The following MYOF variants were observed in gnomAD, a reference collection of about 807,000 sequenced individuals.
MYOF encodes the protein myoferlin.
A neutral mutation model predicts 284.2 loss-of-function variants in MYOF; 244 were observed. That is an observed-to-expected ratio of 0.86 (90% CI 0.77 to 0.95). The LOEUF is 0.95. MYOF is among the 40% of genes least tolerant of loss of function. MYOF has a pLI of 0.00. For missense variants in MYOF, 2,496 were observed against 2,560.6 expected, an observed-to-expected ratio of 0.97 and a Z score of 0.54; for synonymous variants, 904 against 919.7, an observed-to-expected ratio of 0.98 and a Z score of 0.31.
intron 1 of MYOF, among the ~76,000 whole-genome samples, chr10:93,463,040 A>G (rs1467091480): frequency 6.6e-6 from 1 of 152,208 alleles, no homozygotes; most frequent in African/African-American, 2.4e-5. Flanking sequence ...AGTGTGCTCA[A>G]GGGCTCAAGT....
At chr10:93,337,985 T>C in intron 39 of MYOF, 72 bp from the exon 40 acceptor site, 2 of 1,111,660 alleles carry the variant, frequency 1.8e-6, no homozygotes, top group Admixed American at 1.8e-5. Context: ...AAAATGCATT[T>C]GTAATAGTTA....
At chr10:93,440,227 T>C (rs2056201862) in intron 3 of MYOF, among the ~76,000 whole-genome samples, 1 of 152,020 alleles carries the variant, frequency 6.6e-6, no homozygotes, top group African/African-American at 2.4e-5. Context: ...TCCTGGCCAA[T>C]ATGGTGAAAC....
At position 93,351,647 on chromosome 10, in the gene MYOF, A is replaced by C. The variant is rs1381349008; in HGVS notation, c.3663+18T>G. Reference sequence around the variant, plus strand: ...CTCCATCATCCCCAAGTTATCTTAGAAATTCTAAACGACCTACCACTTGGT... The same window carrying C: ...CTCCATCATCCCCAAGTTATCTTAGCAATTCTAAACGACCTACCACTTGGT... On this transcript the variant is annotated intron_variant, in intron 33 of 53. Coordinates refer to ENST00000359263, the MANE Select transcript of MYOF (RefSeq NM_013451.4). The C allele has an allele frequency of 1.3e-6, 2 of 1,592,224 alleles. No individual in the cohort carries two copies. Among genetic ancestry groups the C allele is most frequent in the South Asian group, 2.3e-5 (2 of 87,342 alleles).
rs117526827 is a variant in MYOF at position 93,415,466 on chromosome 10, A to T, written c.434-5727T>A. 2.8e-3 allele frequency among the ~76,000 whole-genome samples: 434 copies of T among 152,326 alleles called. 21 individuals are homozygous for T. In the East Asian group the frequency reaches 0.075, roughly 26 times the overall value. On this transcript the variant is annotated intron_variant, in intron 5 of 53. Coordinates refer to ENST00000359263, the MANE Select transcript of MYOF (RefSeq NM_013451.4). The stretch of plus-strand genomic sequence containing the variant: ...GAATCCTGGTCTGAGATGGCCACTA[A>T]TTAACCAGCACAGTCAAATCACTTT...
At chr10:93,479,723 G>A (rs2057347884) in intron 1 of MYOF, among the ~76,000 whole-genome samples, 1 of 152,194 alleles carries the variant, frequency 6.6e-6, no homozygotes, top group Non-Finnish European at 1.5e-5. Context: ...CAGCTGGAAT[G>A]CAGATGTTCC....
chr10:93,383,486 TC>T (rs143389466), intron 19 of MYOF, among the ~76,000 whole-genome samples: 8,525 of 152,218 alleles, frequency 0.056, 329 homozygotes, highest in Middle Eastern at 0.12. Flanking sequence ...CCTAGCTTAG[TC>T]CACTGTCACC....
chr10:93,433,280 C>T (rs1366702947), intron 3 of MYOF, among the ~76,000 whole-genome samples: 1 of 152,178 alleles, frequency 6.6e-6, no homozygotes, highest in Non-Finnish European at 1.5e-5. Context: ...GCCTTAGCCC[C>T]TCGAGTAGCT....
rs112393934 is a variant in MYOF, at chr10:93,310,533, C to T, written c.5999+1G>A. On this transcript the variant is annotated splice_donor_variant, in intron 52 of 53. Transcript: ENST00000359263. LOFTEE classifies it high-confidence loss of function. ...GTGGGAGAACAAAGAAGGCCTCTCA[C>T]TTTGGTAAGTCCAGCTTGGGGTTCA... is the stretch of plus-strand genomic sequence containing the variant. 1.2e-6 allele frequency: 2 copies of T among 1,613,980 alleles called. No individual in the cohort carries two copies. The highest frequency in any genetic ancestry group is 1.7e-6 in the Non-Finnish European group (2 of 1,179,990).
At chr10:93,399,369 C>A in intron 13 of MYOF, 23 bp downstream of exon 13, 1 of 1,527,828 alleles carries the variant, frequency 6.5e-7, no homozygotes, top group Admixed American at 1.7e-5. Context: ...CTAGCAGCAT[C>A]TGCATTTAGA....
At chr10:93,411,801 A>G (rs761800416) in intron 5 of MYOF, among the ~76,000 whole-genome samples, 1 of 152,168 alleles carries the variant, frequency 6.6e-6, no homozygotes, top group Non-Finnish European at 1.5e-5. Context: ...TCTCTTTGCC[A>G]AGCTCCGTGC....
chr10:93,437,086 C>T (rs1464095683), intron 3 of MYOF, among the ~76,000 whole-genome samples: 1 of 152,186 alleles, frequency 6.6e-6, no homozygotes, highest in Non-Finnish European at 1.5e-5. Context: ...GCTCCTTTGT[C>T]TTTCAGCCCA....
At chr10:93,438,484 C>T (rs926049699) in intron 3 of MYOF, among the ~76,000 whole-genome samples, 1 of 152,194 alleles carries the variant, frequency 6.6e-6, no homozygotes, top group Non-Finnish European at 1.5e-5. Context: ...CACCCTCACT[C>T]GGCCTCCGCA....
intron 1 of MYOF, among the ~76,000 whole-genome samples, chr10:93,465,539 T>TTTTTTC (rs1554873028): frequency 2.8e-4 from 4 of 14,106 alleles, no homozygotes; most frequent in South Asian, 4.3e-3. Context: ...TTTTCTTTTC[T>TTTTTTC]TTTTTTTTTT....
chr10:93,406,000 C>G (rs1365136663), intron 7 of MYOF, among the ~76,000 whole-genome samples: 1 of 151,552 alleles, frequency 6.6e-6, no homozygotes, highest in Admixed American at 6.6e-5. Flanking sequence ...CTCTGTCACC[C>G]AGGCTGGAGT....
At chr10:93,402,475 TGA>T in intron 10 of MYOF, 128 bp from the exon 11 acceptor site, 1 of 723,822 alleles carries the variant, frequency 1.4e-6, no homozygotes, top group Non-Finnish European at 2.4e-6. Context: ...ATTCCCCAGA[TGA>T]GTGTCCACTT....
intron 15 of MYOF, 68 bp from the exon 16 acceptor site, chr10:93,396,292 CTTCAT>C (rs1365629284): frequency 8.9e-6 from 10 of 1,120,680 alleles, no homozygotes; most frequent in Non-Finnish European, 1.2e-5. Flanking sequence ...GAAGATATGT[CTTCAT>C]TTCAACAATT....
Position 93,387,814 on chromosome 10 carries a change from C to T in MYOF, c.1681G>A (p.Asp561Asn), listed in dbSNP as rs754424095. The stretch of plus-strand genomic sequence containing the variant: ...ACATTTACCTCAACAACCAGCAGGT[C>T]ATCATTTGAAATGGGCTCAAGCTTT... ...DKKLEPISND[D>N]LLVVEKYQRR... is the part of the protein sequence containing the mutation. Residue 561 changes from aspartate (D) to asparagine (N), a missense_variant, in exon 19 of 54, where the codon GAC becomes AAC. Transcript: ENST00000359263. The T allele has an allele frequency of 8.1e-6, 13 of 1,613,928 alleles. No homozygotes were observed. In the South Asian group the frequency reaches 1.2e-4, roughly 15 times the overall value.
At chr10:93,457,039 A>G in intron 1 of MYOF, 102 bp from the exon 2 acceptor site, 4 of 774,102 alleles carry the variant, frequency 5.2e-6, no homozygotes, top group South Asian at 1.8e-5. Context: ...GTCTACTTGC[A>G]CCCACATCTC....
At chr10:93,475,156 A>G (rs1446246240) in intron 1 of MYOF, among the ~76,000 whole-genome samples, 1 of 152,220 alleles carries the variant, frequency 6.6e-6, no homozygotes, top group African/African-American at 2.4e-5. Flanking sequence ...CCTCATGCCC[A>G]GTAAGAAGTT....
Sources: gnomAD v4.1 joint callset for allele counts (sites outside exome capture counted in the v4.1 genomes callset) on GRCh38, gnomAD v4.1.1 for gene constraint, MANE v1.5 for transcripts, NCBI Gene and HGNC (gene_info 2026-07-23, HGNC 2026-07-21) for gene names.